The following GRIA1 variants were observed in gnomAD, a reference collection of about 807,000 sequenced individuals.
The protein encoded by GRIA1 is glutamate receptor 1.
GRIA1 carries 31 observed loss-of-function variants against 99.2 expected under a neutral mutation model. The observed-to-expected ratio is 0.31, with a 90% CI of 0.23 to 0.42. The LOEUF is 0.42. GRIA1 is among the 10% of genes least tolerant of loss of function. GRIA1 has a pLI of 1.00. For synonymous variants in GRIA1, 438 were observed against 432.4 expected (o/e 1.01, Z -0.16); for missense variants, 782 against 1,157.5 (o/e 0.68, Z 4.71).
intron 2 of GRIA1, among the ~76,000 whole-genome samples, chr5:153,534,033 G>A (rs915847306): frequency 1.2e-4 from 19 of 152,160 alleles, no homozygotes; most frequent in Non-Finnish European, 2.4e-4. Context: ...AATGCATTTC[G>A]GCACTTGATT....
rs560856909 is a variant in GRIA1, at chr5:153,659,929, ATC to A, written c.699+4064_699+4065del. 1.6e-4 allele frequency among the ~76,000 whole-genome samples: 25 copies of A among 152,206 alleles called. No homozygotes were observed. The East Asian group carries it at 4.8e-3, about 29-fold the overall frequency. On this transcript the variant is annotated intron_variant, in intron 5 of 15. Coordinates refer to ENST00000285900, the MANE Select transcript of GRIA1 (RefSeq NM_000827.4). The stretch of plus-strand genomic sequence containing the variant: ...AGTAATAACAATAGTAATATCAACA[ATC>A]TCTCTCATTTTTATACCATATTATA...
chr5:153,524,926 G>A (rs1369568808), intron 2 of GRIA1, among the ~76,000 whole-genome samples: 3 of 152,196 alleles, frequency 2.0e-5, no homozygotes, highest in South Asian at 2.1e-4. Context: ...TTGTAGTCCA[G>A]TGGAAATATT....
intron 2 of GRIA1, among the ~76,000 whole-genome samples, chr5:153,574,129 T>G (rs1077279): frequency 0.097 from 14,721 of 152,236 alleles, 788 homozygotes; most frequent in South Asian, 0.19. Flanking sequence ...AGCACTGTTA[T>G]TTTGGTAGTT....
At chr5:153,787,654 A>T (rs2149648819) in intron 13 of GRIA1, among the ~76,000 whole-genome samples, 1 of 152,336 alleles carries the variant, frequency 6.6e-6, no homozygotes, top group East Asian at 1.9e-4. Flanking sequence ...AGCCATCCGT[A>T]TATGAATGCT....
At chr5:153,777,979 C>G (rs1420295062) in intron 13 of GRIA1, among the ~76,000 whole-genome samples, 1 of 152,132 alleles carries the variant, frequency 6.6e-6, no homozygotes, top group Non-Finnish European at 1.5e-5. Flanking sequence ...AACTCTGTGA[C>G]CCAGGTCGGG....
At chr5:153,516,390 G>A (rs1756631913) in intron 2 of GRIA1, among the ~76,000 whole-genome samples, 1 of 151,662 alleles carries the variant, frequency 6.6e-6, no homozygotes, top group African/African-American at 2.4e-5. Context: ...CTATGTGCTA[G>A]TCACATCAAT....
chr5:153,577,753 C>G (rs1262683531), intron 2 of GRIA1, among the ~76,000 whole-genome samples: 1 of 152,146 alleles, frequency 6.6e-6, no homozygotes, highest in East Asian at 1.9e-4. Context: ...AGTGAGAACA[C>G]AGTAGTGAGT....
intron 2 of GRIA1, among the ~76,000 whole-genome samples, chr5:153,499,770 T>A (rs1261681940): frequency 6.6e-6 from 1 of 152,088 alleles, no homozygotes; most frequent in African/African-American, 2.4e-5. Flanking sequence ...CTGTGGATGA[T>A]GAAAACTTCT....
At chr5:153,576,994 A>G (rs200770728) in intron 2 of GRIA1, among the ~76,000 whole-genome samples, 2 of 122,762 alleles carry the variant, frequency 1.6e-5, no homozygotes, top group African/African-American at 5.6e-5. Flanking sequence ...GGGTGAGTGG[A>G]TGAATGGATG....
In GRIA1 at chr5:153,674,646, C is replaced by T. The variant is rs768312147; in HGVS notation, c.846C>T (p.Asp282=). 1.2e-6 allele frequency: 2 copies of T among 1,614,004 alleles called. No homozygotes were observed. The highest frequency in any genetic ancestry group is 1.7e-6 in the Non-Finnish European group (2 of 1,179,918). The part of the protein sequence containing the change: ...NSDARDHTRV[D]WKRPKYTSAL... ...ATGCTCGAGACCACACACGGGTGGA[C>T]TGGAAGAGACCCAAGGTGAGTGGAT... The change falls in exon 6 of 16, where the codon GAC becomes GAT. Residue 282 remains aspartate, a synonymous_variant. Coordinates refer to ENST00000285900, the MANE Select transcript of GRIA1 (RefSeq NM_000827.4).
Position 153,633,499 on chromosome 5 carries a change from T to C in GRIA1, c.221-13429T>C, listed in dbSNP as rs1338850693. ...ACTAAATACTTGGTAGTGAGGAGCA[T>C]CTTGGCAGAGAAGGCAGCTGAGCTT... is the stretch of plus-strand genomic sequence containing the variant. On this transcript the variant is annotated intron_variant, in intron 2 of 15. Coordinates refer to ENST00000285900, the MANE Select transcript of GRIA1 (RefSeq NM_000827.4). Among the ~76,000 whole-genome samples the C allele has an allele frequency of 2.0e-5, 3 of 152,076 alleles. No individual in the cohort carries two copies. The East Asian group carries it at 5.8e-4, about 29-fold the overall frequency.
intron 7 of GRIA1, among the ~76,000 whole-genome samples, chr5:153,681,527 A>C (rs570359608): frequency 6.6e-6 from 1 of 152,284 alleles, no homozygotes; most frequent in East Asian, 1.9e-4. Flanking sequence ...TGAGGGTACA[A>C]GAAAGGACTT....
At chr5:153,793,387 G>A (rs1765436649) in intron 13 of GRIA1, among the ~76,000 whole-genome samples, 1 of 152,150 alleles carries the variant, frequency 6.6e-6, no homozygotes, top group Non-Finnish European at 1.5e-5. Context: ...ATGATGGTCT[G>A]TGAACCCATC....
At chr5:153,733,571 A>T (rs964747899) in intron 11 of GRIA1, among the ~76,000 whole-genome samples, 1 of 152,200 alleles carries the variant, frequency 6.6e-6, no homozygotes, top group Non-Finnish European at 1.5e-5. Context: ...AGAGTGGCTG[A>T]ATGAATAAAA....
At chr5:153,635,561 C>T (rs1753287748) in intron 2 of GRIA1, among the ~76,000 whole-genome samples, 1 of 152,178 alleles carries the variant, frequency 6.6e-6, no homozygotes, top group Non-Finnish European at 1.5e-5. Context: ...AACACTCACT[C>T]CAGCCTTGGA....
upstream of GRIA1, chr5:153,490,405 AC>A (rs1753806570): frequency 5.7e-6 from 1 of 175,322 alleles, no homozygotes; most frequent in Non-Finnish European, 1.2e-5. Flanking sequence ...CACGTGTCAC[AC>A]ACCCCCACCT....
chr5:153,585,779 T>A (rs561586871), intron 2 of GRIA1, among the ~76,000 whole-genome samples: 39 of 152,262 alleles, frequency 2.6e-4, no homozygotes, highest in Admixed American at 5.9e-4. Context: ...TAGCACAAAA[T>A]CTTTTTCAGC....
intron 11 of GRIA1, among the ~76,000 whole-genome samples, chr5:153,707,559 C>T (rs1201359665): frequency 6.6e-6 from 1 of 152,170 alleles, no homozygotes; most frequent in African/African-American, 2.4e-5. Flanking sequence ...TACAGGGAGT[C>T]ATGGCTCAGA....
At position 153,741,044 on chromosome 5, in the gene GRIA1, TC is replaced by T. The variant is rs1240535382; in HGVS notation, c.1824-23389del. 4.1e-5 allele frequency among the ~76,000 whole-genome samples: 6 copies of T among 145,490 alleles called. No individual in the cohort carries two copies. In the South Asian group the frequency reaches 1.1e-3, roughly 27 times the overall value. The stretch of plus-strand genomic sequence containing the variant: ...CAGGCTGGAGTGCAGTGGCACAATC[TC>T]TTCTCACTGCAAGCTCTGCCTCCTA... On this transcript the variant is annotated intron_variant, in intron 11 of 15. Coordinates refer to ENST00000285900, the MANE Select transcript of GRIA1 (RefSeq NM_000827.4).
Sources: gnomAD v4.1 joint callset for allele counts (sites outside exome capture counted in the v4.1 genomes callset) on GRCh38, gnomAD v4.1.1 for gene constraint, MANE v1.5 for transcripts, NCBI Gene and HGNC (gene_info 2026-07-23, HGNC 2026-07-21) for gene names.